MAF: variants seen among roughly 807,000 people sequenced by gnomAD.
MAF encodes transcription factor Maf.
A neutral mutation model predicts 22.0 loss-of-function variants in MAF; 10 were observed. The observed-to-expected ratio is 0.45, with a 90% CI of 0.28 to 0.77. MAF has a LOEUF of 0.77. Among genes scored for constraint, MAF ranks in the 30% least tolerant of loss-of-function variants. The probability of loss-of-function intolerance (pLI) is 0.12; values close to 1 mark genes in which losing one functional copy is unlikely to be tolerated. For missense variants in MAF, 544 were observed against 548.4 expected, an observed-to-expected ratio of 0.99 and a Z score of 0.08; for synonymous variants, 337 against 255.8, an observed-to-expected ratio of 1.32 and a Z score of -3.03.
the MAF span, among the ~76,000 whole-genome samples, chr16:79,373,281 G>A: frequency 3.0e-4 from 44 of 145,990 alleles, no homozygotes; most frequent in East Asian, 9.2e-3. Context: ...GTGGTGATTG[G>A]TTCAAGAGGG....
the MAF span, among the ~76,000 whole-genome samples, chr16:79,282,821 G>C: frequency 7.9e-5 from 12 of 152,212 alleles, no homozygotes; most frequent in Non-Finnish European, 1.8e-4. Flanking sequence ...AATGATTTTG[G>C]GTGCAGAACT....
At chr16:79,315,361 A>T in the MAF span, among the ~76,000 whole-genome samples, 3 of 152,196 alleles carry the variant, frequency 2.0e-5, no homozygotes, top group Admixed American at 6.5e-5. Flanking sequence ...TTAATTTTTT[A>T]AAAAATATTT....
At chr16:79,427,551 C>T in the MAF span, among the ~76,000 whole-genome samples, 2 of 152,160 alleles carry the variant, frequency 1.3e-5, no homozygotes, top group African/African-American at 2.4e-5. Context: ...GGCAGCTGGG[C>T]ACTGCTCTCT....
At chr16:79,315,501 C>T in the MAF span, among the ~76,000 whole-genome samples, 2 of 152,180 alleles carry the variant, frequency 1.3e-5, no homozygotes, top group Non-Finnish European at 2.9e-5. Flanking sequence ...AGGTGCCACA[C>T]ATGTATTAAA....
chr16:79,217,174 G>C, the MAF span, among the ~76,000 whole-genome samples: 1 of 152,180 alleles, frequency 6.6e-6, no homozygotes, highest in Non-Finnish European at 1.5e-5. Context: ...TGATGGGTTA[G>C]GCAAATCACT....
chr16:79,576,671 C>T, the MAF span, among the ~76,000 whole-genome samples: 2 of 152,038 alleles, frequency 1.3e-5, no homozygotes, highest in African/African-American at 2.4e-5. Flanking sequence ...CAAAGTGATT[C>T]TAAAACAAAC....
chr16:79,293,670 A>T, the MAF span, among the ~76,000 whole-genome samples: 6 of 151,912 alleles, frequency 3.9e-5, no homozygotes, highest in East Asian at 1.2e-3. Context: ...TTTTCTCCCA[A>T]CTCTTACATT....
chr16:79,319,887 T>C, the MAF span, among the ~76,000 whole-genome samples: 2 of 152,120 alleles, frequency 1.3e-5, no homozygotes, highest in African/African-American at 4.8e-5. Flanking sequence ...TAGGCGACTG[T>C]TTGATCAGGA....
At chr16:79,337,729 G>C in the MAF span, among the ~76,000 whole-genome samples, 1 of 152,086 alleles carries the variant, frequency 6.6e-6, no homozygotes, top group Admixed American at 6.5e-5. Context: ...ACAAGCACAC[G>C]TGTGCACCTT....
the MAF span, among the ~76,000 whole-genome samples, chr16:79,573,295 C>G: frequency 2.0e-5 from 3 of 152,328 alleles, no homozygotes; most frequent in Non-Finnish European, 4.4e-5. Context: ...ACTTACCGAG[C>G]CTTTGCTTTA....
the MAF span, among the ~76,000 whole-genome samples, chr16:79,514,935 T>C: frequency 6.6e-6 from 1 of 152,210 alleles, no homozygotes; most frequent in African/African-American, 2.4e-5. Context: ...CCTAGGACTC[T>C]CTCTGGGCTC....
the MAF span, among the ~76,000 whole-genome samples, chr16:79,406,218 A>G: frequency 1.3e-5 from 2 of 152,184 alleles, no homozygotes; most frequent in South Asian, 4.2e-4. Context: ...TTCCAAGTCA[A>G]TTACTTGCCT....
the MAF span, among the ~76,000 whole-genome samples, chr16:79,316,426 C>A: frequency 6.6e-6 from 1 of 152,220 alleles, no homozygotes; most frequent in African/African-American, 2.4e-5. Context: ...TCCTCCCTGA[C>A]ATACACCTGC....
the MAF span, chr16:79,211,713 G>T: frequency 6.2e-7 from 1 of 1,614,224 alleles, no homozygotes; most frequent in South Asian, 1.1e-5. Flanking sequence ...CTCACCAGAA[G>T]CTCAGAGCGA....
the MAF span, among the ~76,000 whole-genome samples, chr16:79,291,858 C>T: frequency 2.0e-3 from 306 of 149,816 alleles, no homozygotes; most frequent in Non-Finnish European, 3.3e-3. Flanking sequence ...AGGGTATCAC[C>T]TCTCCTGGTG....
At chr16:79,212,001 G>A in the MAF span, 21 of 1,533,266 alleles carry the variant, frequency 1.4e-5, no homozygotes, top group South Asian at 2.1e-4. Context: ...TTCTGGGGCT[G>A]GGCTAGGCAT....
the MAF span, among the ~76,000 whole-genome samples, chr16:79,405,648 G>C: frequency 6.6e-6 from 1 of 152,192 alleles, no homozygotes; most frequent in Non-Finnish European, 1.5e-5. Flanking sequence ...TTTAGGTCCT[G>C]AAGAAAGACT....
At chr16:79,369,082 G>C in the MAF span, among the ~76,000 whole-genome samples, 2 of 152,182 alleles carry the variant, frequency 1.3e-5, no homozygotes, top group Admixed American at 1.3e-4. Flanking sequence ...CCCAAGAAAT[G>C]TTTGTTGAAT....
At chr16:79,219,173 A>T in the MAF span, among the ~76,000 whole-genome samples, 1 of 152,204 alleles carries the variant, frequency 6.6e-6, no homozygotes, top group Admixed American at 6.5e-5. Flanking sequence ...TCCATGGCTC[A>T]TTCAGATGAG....
Sources: gnomAD v4.1 joint callset for allele counts (sites outside exome capture counted in the v4.1 genomes callset) on GRCh38, gnomAD v4.1.1 for gene constraint, MANE v1.5 for transcripts, NCBI Gene and HGNC (gene_info 2026-07-23, HGNC 2026-07-21) for gene names.